IMMP1L: variants seen among roughly 807,000 people sequenced by gnomAD.
IMMP1L encodes inner mitochondrial membrane peptidase subunit 1, also known as mitochondrial inner membrane protease subunit 1.
IMMP1L carries 24 observed loss-of-function variants against 21.8 expected under a neutral mutation model. The observed-to-expected ratio is 1.10, with a 90% CI of 0.80 to 1.55. The LOEUF (loss-of-function observed/expected upper bound fraction) is 1.55. Among genes scored for constraint, IMMP1L ranks in the 40% most tolerant of loss-of-function variants. The probability of loss-of-function intolerance (pLI) is 0.00; values close to 1 mark genes in which losing one functional copy is unlikely to be tolerated. For synonymous variants in IMMP1L, 46 were observed against 62.8 expected (o/e 0.73, Z 1.26); for missense variants, 195 against 200.7 (o/e 0.97, Z 0.17).
At chr11:31,492,009 A>G (rs1166298573) in intron 1 of IMMP1L, among the ~76,000 whole-genome samples, 1 of 152,192 alleles carries the variant, frequency 6.6e-6, no homozygotes, top group Non-Finnish European at 1.5e-5. Context: ...ATAATGGTAA[A>G]TGAGCACTGG....
Position 31,488,113 on chromosome 11 carries a change from A to T in IMMP1L, c.-30+21406T>A, listed in dbSNP as rs536972705. ...TGAAACCGACAGAAGAAAAAGGAGGAAAAAGCCCACTTACCATAGGTCTGT... is the reference window on the plus strand; with the variant it reads ...TGAAACCGACAGAAGAAAAAGGAGGTAAAAGCCCACTTACCATAGGTCTGT... On this transcript the variant is annotated intron_variant, in intron 1 of 5. Coordinates refer to ENST00000532287, the MANE Select transcript of IMMP1L (RefSeq NM_001304274.2). 3 of 152,266 alleles carry T rather than the reference A, an allele frequency of 2.0e-5. No individual in the cohort carries two copies. In the East Asian group the frequency reaches 5.8e-4, roughly 29 times the overall value. The allele number at this position is 152,266 out of a possible 1,614,324, so 9.4% of individuals were successfully genotyped here.
Position 31,509,598 on chromosome 11 carries a change from C to A in IMMP1L, c.-109G>T. On this transcript the variant is annotated 5_prime_UTR_variant, in exon 1 of 6. Coordinates refer to ENST00000532287, the MANE Select transcript of IMMP1L (RefSeq NM_001304274.2). Reference sequence around the variant, plus strand: ...TCACCTGGGCCCCGCCGAAGTCGACCGTCCTTTCGTAGGGCGCACTTTTCA... The same window carrying A: ...TCACCTGGGCCCCGCCGAAGTCGACAGTCCTTTCGTAGGGCGCACTTTTCA... The A allele has an allele frequency of 3.1e-6, 2 of 637,318 alleles. No homozygotes were observed. Among genetic ancestry groups the A allele is most frequent in the African/African-American group, 1.8e-5 (1 of 54,790 alleles). The allele number at this position is 637,318 out of a possible 1,614,324, so 39.5% of individuals were successfully genotyped here.
In IMMP1L at chr11:31,463,281, C is replaced by A; in HGVS notation, c.-5G>T. On this transcript the variant is annotated 5_prime_UTR_variant, in exon 2 of 6. It removes the in-frame stop codon of an upstream open reading frame in the 5' UTR. Transcript: ENST00000532287. ...CCCCAGAACACCACGAAGCATAGTT[C>A]TATGTAGACTCTGCCACCATTGGCC... is the stretch of plus-strand genomic sequence containing the variant. 6.2e-7 allele frequency: 1 copy of A among 1,602,794 alleles called. No individual in the cohort carries two copies. Among genetic ancestry groups the A allele is most frequent in the South Asian group, 1.1e-5 (1 of 88,328 alleles).
chr11:31,476,995 A>G (rs144118182), intron 1 of IMMP1L: 2 of 152,294 alleles, frequency 1.3e-5, no homozygotes, highest in East Asian at 3.9e-4. Flanking sequence ...TAAGTCATTC[A>G]GTATTCCTAT....
chr11:31,502,792 T>C (rs889507319), intron 1 of IMMP1L, among the ~76,000 whole-genome samples: 2 of 152,246 alleles, frequency 1.3e-5, no homozygotes, highest in African/African-American at 4.8e-5. Context: ...AGTCCCAGAC[T>C]GAATGACATA....
intron 4 of IMMP1L, among the ~76,000 whole-genome samples, chr11:31,454,449 CAAAAA>C (rs71463320): frequency 9.2e-4 from 28 of 30,400 alleles, no homozygotes; most frequent in South Asian, 1.9e-3. Flanking sequence ...AAGACCATGT[CAAAAA>C]AAAAAAAAAA....
intron 4 of IMMP1L, among the ~76,000 whole-genome samples, chr11:31,436,042 AT>A (rs755657896): frequency 6.6e-6 from 1 of 152,154 alleles, no homozygotes; most frequent in Non-Finnish European, 1.5e-5. Flanking sequence ...TTCTGATTGA[AT>A]TTAATATCCA....
chr11:31,464,787 C>T (rs548394227), intron 1 of IMMP1L, among the ~76,000 whole-genome samples: 13 of 152,206 alleles, frequency 8.5e-5, no homozygotes, highest in African/African-American at 2.6e-4. Flanking sequence ...AAGGAACATA[C>T]ATCAAAACAA....
chr11:31,473,985 A>G (rs1954651455), intron 1 of IMMP1L, among the ~76,000 whole-genome samples: 2 of 152,182 alleles, frequency 1.3e-5, no homozygotes, highest in African/African-American at 4.8e-5. Flanking sequence ...CCGATAGAGG[A>G]ACAGAGTTTG....
Position 31,468,119 on chromosome 11 carries a change from T to C in IMMP1L, c.-29-4814A>G, listed in dbSNP as rs549067935. Among the ~76,000 whole-genome samples, 3 of 152,150 alleles carry C rather than the reference T, an allele frequency of 2.0e-5. No homozygotes were observed. In the South Asian group the frequency reaches 6.2e-4, roughly 32 times the overall value. Reference sequence around the variant, plus strand: ...AGAAGGACATGACAACCAAACACAATATGAAATCTTGAATTGGATCCTGGA... The same window carrying C: ...AGAAGGACATGACAACCAAACACAACATGAAATCTTGAATTGGATCCTGGA... On this transcript the variant is annotated intron_variant, in intron 1 of 5. Coordinates refer to ENST00000532287, the MANE Select transcript of IMMP1L (RefSeq NM_001304274.2).
intron 4 of IMMP1L, among the ~76,000 whole-genome samples, chr11:31,436,647 G>T (rs563127338): frequency 6.6e-6 from 1 of 152,084 alleles, no homozygotes; most frequent in East Asian, 1.9e-4. Flanking sequence ...GGCCAGGCTG[G>T]TCTTGAACTC....
intron 1 of IMMP1L, among the ~76,000 whole-genome samples, chr11:31,487,673 C>A (rs1955128596): frequency 6.6e-6 from 1 of 152,008 alleles, no homozygotes. Context: ...AACAAAAGTA[C>A]AGGGAATGGA....
chr11:31,476,813 T>A (rs1254859758), intron 1 of IMMP1L, among the ~76,000 whole-genome samples: 3 of 152,042 alleles, frequency 2.0e-5, no homozygotes, highest in East Asian at 1.9e-4. Context: ...TTATATTGGA[T>A]CGTGTTAGAA....
intron 1 of IMMP1L, among the ~76,000 whole-genome samples, chr11:31,501,453 T>C (rs968569881): frequency 6.6e-6 from 1 of 152,208 alleles, no homozygotes; most frequent in Non-Finnish European, 1.5e-5. Context: ...CTCCACTATG[T>C]GATAACACAG....
rs1198023258 is a variant in IMMP1L at position 31,460,720 on chromosome 11, A to G, written c.106-6T>C. 1.3e-6 allele frequency: 2 copies of G among 1,532,382 alleles called. No homozygotes were observed. The highest frequency in any genetic ancestry group is 3.5e-5 in the Admixed American group (2 of 57,656). The allele number at this position is 1,532,382 out of a possible 1,614,324, so 94.9% of individuals were successfully genotyped here. On this transcript the variant is annotated splice_region_variant and splice_polypyrimidine_tract_variant and intron_variant, in intron 2 of 5. Coordinates refer to ENST00000532287, the MANE Select transcript of IMMP1L (RefSeq NM_001304274.2). ...TCCATTGATGGTCCAGAACACTGAAAAGAGAGGTAATTTGTAATCTAAATT... is the reference window on the plus strand; with the variant it reads ...TCCATTGATGGTCCAGAACACTGAAGAGAGAGGTAATTTGTAATCTAAATT...
intron 1 of IMMP1L, among the ~76,000 whole-genome samples, chr11:31,493,723 C>T (rs1449374089): frequency 2.0e-5 from 3 of 152,168 alleles, no homozygotes; most frequent in African/African-American, 7.2e-5. Flanking sequence ...TTCCTAGATA[C>T]AACAAGGGTA....
At chr11:31,440,114 T>C (rs973156924) in intron 4 of IMMP1L, among the ~76,000 whole-genome samples, 8 of 152,198 alleles carry the variant, frequency 5.3e-5, no homozygotes, top group Non-Finnish European at 1.0e-4. Flanking sequence ...CCCTAATCTT[T>C]GTCTCAACTC....
At chr11:31,450,010 T>C (rs1043749246) in intron 4 of IMMP1L, among the ~76,000 whole-genome samples, 2 of 152,160 alleles carry the variant, frequency 1.3e-5, no homozygotes, top group Admixed American at 1.3e-4. Flanking sequence ...CTACTATGGT[T>C]AAGACATGAA....
chr11:31,467,255 T>A (rs1358779411), intron 1 of IMMP1L, among the ~76,000 whole-genome samples: 1 of 152,178 alleles, frequency 6.6e-6, no homozygotes, highest in Non-Finnish European at 1.5e-5. Context: ...TAAGCATGTA[T>A]ATATTTGTCT....
Sources: allele counts gnomAD v4.1 joint callset (sites outside exome capture counted in the v4.1 genomes callset), GRCh38; gene constraint gnomAD v4.1.1; transcripts MANE v1.5; gene names NCBI Gene and HGNC (gene_info 2026-07-23, HGNC 2026-07-21).